Variants in MTCL1 observed in about 807,000 individuals in gnomAD.
The protein encoded by MTCL1 is microtubule crosslinking factor 1.
A neutral mutation model predicts 141.4 loss-of-function variants in MTCL1; 79 were observed. The observed-to-expected ratio is 0.56, with a 90% CI of 0.47 to 0.67. The LOEUF (loss-of-function observed/expected upper bound fraction) is 0.67. Among genes scored for constraint, MTCL1 ranks in the 30% least tolerant of loss-of-function variants. The pLI is 0.00. For missense variants in MTCL1, 2,177 were observed against 2,113.9 expected (o/e 1.03, Z -0.59); for synonymous variants, 914 against 875.8 (o/e 1.04, Z -0.77).
At chr18:8,795,373 G>A (rs560155313) in intron 8 of MTCL1, among the ~76,000 whole-genome samples, 5 of 152,278 alleles carry the variant, frequency 3.3e-5, no homozygotes, top group Admixed American at 3.3e-4. Context: ...ATTGGCCTAT[G>A]GAACACAAAG....
At chr18:8,826,048 C>G in exon 15 of MTCL1, 1 of 1,611,728 alleles carries the variant, frequency 6.2e-7, no homozygotes, top group South Asian at 1.1e-5. Context: ...GAGGGCACGC[C>G]AGTGAAGCAG....
intron 4 of MTCL1, among the ~76,000 whole-genome samples, chr18:8,729,674 ATATATATATATATATATATATAT>A: frequency 2.1e-3 from 1 of 466 alleles, no homozygotes; most frequent in African/African-American, 4.7e-3. Context: ...AAGAAGACAA[ATATATATATATATATATATATAT>A]ATATATATAT....
At chr18:8,731,028 G>A (rs1048080446) in intron 4 of MTCL1, among the ~76,000 whole-genome samples, 5 of 151,374 alleles carry the variant, frequency 3.3e-5, no homozygotes, top group Non-Finnish European at 4.4e-5. Context: ...GGCGGATCAC[G>A]AGGTCAGGAG....
chr18:8,755,275 C>T (rs879355191), intron 4 of MTCL1, among the ~76,000 whole-genome samples: 8 of 152,288 alleles, frequency 5.3e-5, no homozygotes, highest in African/African-American at 1.4e-4. Flanking sequence ...TTTGGGATGT[C>T]GTTTGTTGCT....
At chr18:8,709,828 T>A (rs183381239) in intron 1 of MTCL1, among the ~76,000 whole-genome samples, 13 of 152,304 alleles carry the variant, frequency 8.5e-5, no homozygotes, top group African/African-American at 2.6e-4. Flanking sequence ...GGCTGCTGTA[T>A]TTTTTATTTT....
chr18:8,713,058 A>T (rs2096104129), upstream of MTCL1, among the ~76,000 whole-genome samples: 1 of 152,182 alleles, frequency 6.6e-6, no homozygotes, highest in African/African-American at 2.4e-5. Flanking sequence ...ATCCTTTTAG[A>T]GGTTTTCATT....
At chr18:8,789,591 G>A (rs75914404) in intron 7 of MTCL1, 29 of 985,306 alleles carry the variant, frequency 2.9e-5, no homozygotes, top group South Asian at 1.9e-4. Context: ...GAACACTGAC[G>A]TGGGGAGAAT....
At chr18:8,816,946 G>T (rs1194539647) in intron 12 of MTCL1, among the ~76,000 whole-genome samples, 3 of 152,196 alleles carry the variant, frequency 2.0e-5, no homozygotes, top group African/African-American at 7.2e-5. Flanking sequence ...CTTAGCAGCA[G>T]ATATCTCCAC....
At chr18:8,720,214 G>T in intron 3 of MTCL1, 124 bp from the exon 3 acceptor site, 2 of 858,794 alleles carry the variant, frequency 2.3e-6, no homozygotes, top group African/African-American at 1.7e-5. Context: ...GTTGTGTATT[G>T]CCAGGGTCTT....
At chr18:8,758,274 C>T (rs1201883415) in intron 4 of MTCL1, among the ~76,000 whole-genome samples, 4 of 152,106 alleles carry the variant, frequency 2.6e-5, no homozygotes, top group Admixed American at 1.3e-4. Context: ...CCGCCTGCCT[C>T]GGCCTCCCAA....
intron 4 of MTCL1, among the ~76,000 whole-genome samples, chr18:8,743,449 T>C (rs2096316111): frequency 6.6e-6 from 1 of 152,234 alleles, no homozygotes; most frequent in South Asian, 2.1e-4. Flanking sequence ...TGACCACAAA[T>C]GTAGTGGCTT....
exon 15 of MTCL1, chr18:8,825,374 C>T (rs1598824065): frequency 6.5e-7 from 1 of 1,537,834 alleles, no homozygotes; most frequent in East Asian, 2.3e-5. Flanking sequence ...AGGAGGTGGC[C>T]TTCTCTGTCA....
chr18:8,784,641 A>G, exon 6 of MTCL1: 3 of 1,613,916 alleles, frequency 1.9e-6, no homozygotes, highest in South Asian at 2.2e-5. Flanking sequence ...CAGGAGCCCC[A>G]GCTGCTGGGG....
upstream of MTCL1, chr18:8,705,607 C>CGCCGCCGCCGCG: frequency 8.3e-7 from 1 of 1,210,394 alleles, no homozygotes; most frequent in Admixed American, 4.5e-5. This position sits in a 1 kb window ranked among gnomAD's most constrained non-coding sequence, Gnocchi z 5.2. Flanking sequence ...CCGCCGCCGC[C>CGCCGCCGCCGCG]GCCGTCGTCG....
chr18:8,707,055 A>C, intron 1 of MTCL1: 1 of 225,562 alleles, frequency 4.4e-6, no homozygotes, highest in Non-Finnish European at 8.7e-6. Context: ...CCCGCTCAGA[A>C]CGTGCCAGCC....
At chr18:8,726,538 T>TAGAGA (rs2096216177) in intron 4 of MTCL1, among the ~76,000 whole-genome samples, 1 of 75,318 alleles carries the variant, frequency 1.3e-5, no homozygotes. Context: ...CGAGTGCGCA[T>TAGAGA]GCGCGCGCGC....
intron 4 of MTCL1, among the ~76,000 whole-genome samples, chr18:8,730,108 C>T (rs2096242631): frequency 6.6e-6 from 1 of 152,144 alleles, no homozygotes; most frequent in African/African-American, 2.4e-5. Context: ...ATCAGTTGGG[C>T]ACATGTGTTT....
intron 3 of MTCL1, chr18:8,720,059 T>G: frequency 3.2e-6 from 1 of 314,960 alleles, no homozygotes; most frequent in East Asian, 5.3e-5. Flanking sequence ...TTTAGCAGTT[T>G]GGGGGGGTTG....
chr18:8,780,580 G>A (rs2096529429), intron 5 of MTCL1, among the ~76,000 whole-genome samples: 1 of 152,236 alleles, frequency 6.6e-6, no homozygotes, highest in African/African-American at 2.4e-5. Flanking sequence ...GACAGACACT[G>A]GCTCTCAAGT....
Sources: gnomAD v4.1 joint callset for allele counts (sites outside exome capture counted in the v4.1 genomes callset) on GRCh38, gnomAD v4.1.1 for gene constraint, Gnocchi (gnomAD v3.1) non-coding constraint, MANE v1.5 for transcripts, NCBI Gene and HGNC (gene_info 2026-07-23, HGNC 2026-07-21) for gene names.